Variants in PTPRM observed in about 807,000 individuals in gnomAD.
The protein encoded by PTPRM is protein tyrosine phosphatase receptor type M.
A neutral mutation model predicts 186.7 loss-of-function variants in PTPRM; 47 were observed. The ratio of observed to expected loss-of-function variants is 0.25; its 90% CI spans 0.20 to 0.32. The LOEUF is 0.32. Among genes scored for constraint, PTPRM ranks in the 10% least tolerant of loss-of-function variants. The probability of loss-of-function intolerance (pLI) is 1.00; values close to 1 mark genes in which losing one functional copy is unlikely to be tolerated. For missense variants in PTPRM, 1,494 were observed against 1,865.0 expected (o/e 0.80, Z 3.66); for synonymous variants, 668 against 674.9 (o/e 0.99, Z 0.16).
intron 7 of PTPRM, among the ~76,000 whole-genome samples, chr18:8,035,746 T>C (rs1383108424): frequency 6.6e-6 from 1 of 152,108 alleles, no homozygotes; most frequent in Non-Finnish European, 1.5e-5. Flanking sequence ...CTTTTGGAGA[T>C]GACAGACATG....
chr18:8,039,808 C>T (rs1237371604), intron 7 of PTPRM, among the ~76,000 whole-genome samples: 1 of 151,958 alleles, frequency 6.6e-6, no homozygotes, highest in Non-Finnish European at 1.5e-5. Context: ...TATTATTTTC[C>T]AGGATAGAAG....
chr18:8,197,945 G>A (rs936938484), intron 14 of PTPRM, among the ~76,000 whole-genome samples: 1 of 152,136 alleles, frequency 6.6e-6, no homozygotes, highest in African/African-American at 2.4e-5. Context: ...TCCCAGCCTC[G>A]AAGGGATCAT....
intron 20 of PTPRM, among the ~76,000 whole-genome samples, chr18:8,304,822 T>TTTA (rs1491494858): frequency 0.1 from 181 of 1,762 alleles, no homozygotes; most frequent in African/African-American, 0.18. Flanking sequence ...GTTGACTTTA[T>TTTA]TTTTTTTTTT....
chr18:8,284,624 C>T (rs2094936968), intron 19 of PTPRM, among the ~76,000 whole-genome samples: 1 of 152,108 alleles, frequency 6.6e-6, no homozygotes, highest in Non-Finnish European at 1.5e-5. Context: ...GTGGCACATG[C>T]CCATAGTCCC....
chr18:8,251,003 G>A (rs1022952054), intron 17 of PTPRM, among the ~76,000 whole-genome samples: 1 of 152,090 alleles, frequency 6.6e-6, no homozygotes, highest in Non-Finnish European at 1.5e-5. Context: ...TCTTCCATAT[G>A]CATGTACTAG....
At chr18:7,625,315 T>C (rs1333125729) in intron 1 of PTPRM, among the ~76,000 whole-genome samples, 1 of 152,196 alleles carries the variant, frequency 6.6e-6, no homozygotes, top group Non-Finnish European at 1.5e-5. Flanking sequence ...TTGCTAGTAA[T>C]TTTCCCGACT....
intron 7 of PTPRM, among the ~76,000 whole-genome samples, chr18:7,973,099 C>A (rs557391651): frequency 1.3e-5 from 2 of 152,112 alleles, no homozygotes; most frequent in Admixed American, 1.3e-4. Context: ...GCTGTTTATT[C>A]TTTTGTAATA....
intron 19 of PTPRM, among the ~76,000 whole-genome samples, chr18:8,284,072 G>A (rs2147770295): frequency 6.6e-6 from 1 of 152,192 alleles, no homozygotes; most frequent in South Asian, 2.1e-4. Flanking sequence ...TTTCTTTGCT[G>A]AAACAACAGT....
At chr18:8,347,850 C>T (rs908338890) in intron 23 of PTPRM, among the ~76,000 whole-genome samples, 4 of 152,124 alleles carry the variant, frequency 2.6e-5, no homozygotes, top group East Asian at 1.9e-4. Flanking sequence ...TGTGGGGACA[C>T]GGGTAAGCTC....
intron 1 of PTPRM, among the ~76,000 whole-genome samples, chr18:7,734,295 A>T (rs973145703): frequency 6.6e-6 from 1 of 152,210 alleles, no homozygotes; most frequent in East Asian, 1.9e-4. Context: ...ACATGATGGT[A>T]CATTATTTCT....
At chr18:7,945,461 T>G (rs572715600) in intron 5 of PTPRM, among the ~76,000 whole-genome samples, 2 of 141,714 alleles carry the variant, frequency 1.4e-5, no homozygotes, top group Admixed American at 6.8e-5. Context: ...TGAGACTCCA[T>G]CTCAAAAAAA....
intron 4 of PTPRM, among the ~76,000 whole-genome samples, chr18:7,923,099 C>G (rs1279091853): frequency 6.6e-6 from 1 of 152,190 alleles, no homozygotes; most frequent in Non-Finnish European, 1.5e-5. Context: ...TTTAACAACC[C>G]TTCAGCACAG....
At chr18:8,306,893 C>T (rs1251163110) in intron 20 of PTPRM, among the ~76,000 whole-genome samples, 1 of 152,140 alleles carries the variant, frequency 6.6e-6, no homozygotes, top group Non-Finnish European at 1.5e-5. Flanking sequence ...CTCAAGAGTA[C>T]CCCAAGGAAT....
At chr18:8,197,592 A>G (rs904740532) in intron 14 of PTPRM, among the ~76,000 whole-genome samples, 1 of 152,198 alleles carries the variant, frequency 6.6e-6, no homozygotes, top group African/African-American at 2.4e-5. Context: ...TCATAAATTT[A>G]TAATCTGCAT....
At chr18:8,375,932 C>T (rs905192688) in intron 24 of PTPRM, 114 bp from the exon 25 acceptor site, 2 of 1,159,840 alleles carry the variant, frequency 1.7e-6, no homozygotes, top group Admixed American at 2.0e-5. Context: ...TCCACTGTTT[C>T]CTGGCCCTAG....
At chr18:8,016,080 G>T (rs2084840158) in intron 7 of PTPRM, among the ~76,000 whole-genome samples, 1 of 152,166 alleles carries the variant, frequency 6.6e-6, no homozygotes, top group South Asian at 2.1e-4. Context: ...TGTGTTACTA[G>T]AAAAAGATAT....
chr18:7,996,979 A>G (rs1301560391), intron 7 of PTPRM, among the ~76,000 whole-genome samples: 3 of 152,146 alleles, frequency 2.0e-5, no homozygotes, highest in African/African-American at 7.2e-5. Context: ...AAAGCAATCC[A>G]TAGATTCATT....
At chr18:8,043,449 A>G (rs946808480) in intron 7 of PTPRM, among the ~76,000 whole-genome samples, 5 of 152,150 alleles carry the variant, frequency 3.3e-5, no homozygotes, top group African/African-American at 1.2e-4. Context: ...CCCTCTTTCA[A>G]TTATTTGGTC....
intron 19 of PTPRM, among the ~76,000 whole-genome samples, chr18:8,288,099 A>G (rs77446714): frequency 0.045 from 6,916 of 152,324 alleles, 195 homozygotes; most frequent in African/African-American, 0.068. Context: ...TAATAAATCT[A>G]AACACATAGA....
Sources: gnomAD v4.1 joint callset for allele counts (sites outside exome capture counted in the v4.1 genomes callset) on GRCh38, gnomAD v4.1.1 for gene constraint, MANE v1.5 for transcripts, NCBI Gene and HGNC (gene_info 2026-07-23, HGNC 2026-07-21) for gene names.